Variants in ZCCHC14 observed in about 807,000 individuals in gnomAD.
ZCCHC14 encodes the protein zinc finger CCHC domain-containing protein 14.
ZCCHC14 carries 16 observed loss-of-function variants against 85.0 expected under a neutral mutation model. The observed-to-expected ratio is 0.19, with a 90% CI of 0.13 to 0.29. ZCCHC14 has a LOEUF of 0.29. ZCCHC14 is among the 10% of genes least tolerant of loss of function. ZCCHC14 has a pLI of 1.00. For missense variants in ZCCHC14, 1,303 were observed against 1,443.5 expected, an observed-to-expected ratio of 0.90 and a Z score of 1.58; for synonymous variants, 775 against 630.7, an observed-to-expected ratio of 1.23 and a Z score of -3.43.
intron 1 of ZCCHC14, among the ~76,000 whole-genome samples, chr16:87,477,893 C>G (rs1167392935): frequency 6.6e-6 from 1 of 150,734 alleles, no homozygotes; most frequent in Non-Finnish European, 1.5e-5. Flanking sequence ...CACGCCCCCA[C>G]CGCATCCCCC....
intron 2 of ZCCHC14, among the ~76,000 whole-genome samples, chr16:87,433,957 G>T (rs1909787998): frequency 6.6e-6 from 1 of 152,144 alleles, no homozygotes; most frequent in African/African-American, 2.4e-5. Context: ...CTTTTCAGGA[G>T]AATTCATTCT....
intron 3 of ZCCHC14, 129 bp downstream of exon 3, chr16:87,432,999 C>T (rs1291479080): frequency 1.1e-6 from 1 of 934,466 alleles, no homozygotes; most frequent in African/African-American, 1.7e-5. Context: ...TCAGGGCCAG[C>T]TTCCTATACA....
intron 3 of ZCCHC14, among the ~76,000 whole-genome samples, chr16:87,424,248 G>C (rs1013827269): frequency 2.6e-5 from 4 of 152,198 alleles, no homozygotes; most frequent in African/African-American, 9.7e-5. Flanking sequence ...TCAGATGCAA[G>C]AGCGACACAT....
Position 87,411,640 on chromosome 16 carries a change from T to G in ZCCHC14, c.3081A>C (p.Gly1027=). 6.2e-7 allele frequency: 1 copy of G among 1,613,926 alleles called. No homozygotes were observed. Among genetic ancestry groups the G allele is most frequent in the East Asian group, 2.2e-5 (1 of 44,878 alleles). Residue 1027 remains glycine (G), a synonymous_variant, in exon 12 of 13, where the codon GGA becomes GGC. Coordinates refer to ENST00000671377, the MANE Select transcript of ZCCHC14 (RefSeq NM_015144.3). ...TGGAACCATTGCTACTGCCCACCAG[T>G]CCTTGGGTCTGGTACACCCCTGCTG... is the stretch of plus-strand genomic sequence containing the variant. The part of the protein sequence containing the change: ...AGTAGVYQTQ[G]LVGSSNGSSH...
intron 2 of ZCCHC14, among the ~76,000 whole-genome samples, chr16:87,437,759 G>A (rs903774327): frequency 2.0e-5 from 3 of 152,188 alleles, no homozygotes; most frequent in Admixed American, 1.3e-4. Context: ...AGATCACACA[G>A]CCTTCGATAA....
chr16:87,410,439 G>A (rs547101856), intron 12 of ZCCHC14, 104 bp from the exon 13 acceptor site: 2 of 571,512 alleles, frequency 3.5e-6, no homozygotes, highest in South Asian at 5.0e-5. Context: ...AGATTCTGGT[G>A]CTGGAAATCT....
intron 1 of ZCCHC14, among the ~76,000 whole-genome samples, chr16:87,485,970 C>CTCA (rs1912498674): frequency 6.6e-6 from 1 of 152,206 alleles, no homozygotes; most frequent in Non-Finnish European, 1.5e-5. Context: ...CATCGTATTA[C>CTCA]TCATCATACC....
At position 87,491,568 on chromosome 16, in the gene ZCCHC14, G is replaced by C; in HGVS notation, c.570+101C>G. ...GGGTGGGAGCTCTCAGTGCAGGCTGGAGGCGTGGGTCGGGGGGTCGCGGTG... is the reference window on the plus strand; with the variant it reads ...GGGTGGGAGCTCTCAGTGCAGGCTGCAGGCGTGGGTCGGGGGGTCGCGGTG... On this transcript the variant is annotated intron_variant, in intron 1 of 12. Transcript: ENST00000671377. The surrounding 1 kb of genome is among the most constrained non-coding windows in gnomAD (Gnocchi z 5.9). 1 of 1,111,632 alleles carries C rather than the reference G, an allele frequency of 9.0e-7. No homozygotes were observed. The highest frequency in any genetic ancestry group is 1.2e-6 in the Non-Finnish European group (1 of 852,882). 68.9% of individuals were successfully genotyped at this position (1,111,632 alleles called of 1,614,324 possible).
chr16:87,487,799 GGCA>G (rs1912579029), intron 1 of ZCCHC14, among the ~76,000 whole-genome samples: 1 of 152,150 alleles, frequency 6.6e-6, no homozygotes, highest in African/African-American at 2.4e-5. Flanking sequence ...AACGCCACTC[GGCA>G]GCGAAAGAGG....
At chr16:87,472,678 T>A (rs1019643473) in intron 1 of ZCCHC14, 1 of 152,202 alleles carries the variant, frequency 6.6e-6, no homozygotes, top group Non-Finnish European at 1.5e-5. Context: ...GACGACACCA[T>A]CAGAAAGTAA....
intron 1 of ZCCHC14, among the ~76,000 whole-genome samples, chr16:87,465,198 G>A (rs942988847): frequency 5.3e-5 from 8 of 152,332 alleles, no homozygotes; most frequent in African/African-American, 1.4e-4. Context: ...AAGACTTCTC[G>A]ATGCTCAGCA....
intron 12 of ZCCHC14, among the ~76,000 whole-genome samples, chr16:87,411,088 C>G (rs8045843): frequency 0.57 from 86,198 of 152,190 alleles, 29,075 homozygotes; most frequent in Non-Finnish European, 0.76. Flanking sequence ...GGGTGACAGC[C>G]CCCCACACCC....
At chr16:87,424,693 G>C (rs938782870) in intron 3 of ZCCHC14, among the ~76,000 whole-genome samples, 7 of 152,152 alleles carry the variant, frequency 4.6e-5, no homozygotes, top group African/African-American at 1.4e-4. Context: ...GGGGGAAGGA[G>C]AGCGTACTTT....
In ZCCHC14 at chr16:87,409,029, T is replaced by C. The variant is rs919534990; in HGVS notation, c.*1251A>G. 2 of 152,560 alleles carry C rather than the reference T, an allele frequency of 1.3e-5. No homozygotes were observed. The highest frequency in any genetic ancestry group is 4.8e-5 in the African/African-American group (2 of 41,424). 9.5% of individuals were successfully genotyped at this position (152,560 alleles called of 1,614,324 possible). A position where few individuals can be genotyped will look rare whatever the true frequency, so the allele number is the denominator to read the frequency against. On this transcript the variant is annotated 3_prime_UTR_variant, in exon 13 of 13. Transcript: ENST00000671377. ...GCTTTCATTTCCGTGGGTTGAAATT[T>C]AGAGATCTACAGTGAGGACTTTTAT...
At chr16:87,421,695 C>T (rs1909104216) in intron 4 of ZCCHC14, among the ~76,000 whole-genome samples, 2 of 152,102 alleles carry the variant, frequency 1.3e-5, no homozygotes, top group South Asian at 2.1e-4. Context: ...AGCAAAACGG[C>T]GGAGAAGACC....
intron 8 of ZCCHC14, 40 bp downstream of exon 8, chr16:87,417,420 A>G: frequency 6.2e-7 from 1 of 1,600,228 alleles, no homozygotes; most frequent in Non-Finnish European, 8.5e-7. Flanking sequence ...TGAGTAAACA[A>G]TCTAGCAATT....
In ZCCHC14 at chr16:87,491,724, C is replaced by A. The variant is rs1169007484; in HGVS notation, c.515G>T (p.Gly172Val). Residue 172 changes from glycine (G) to valine (V), a missense_variant, in exon 1 of 13, where the codon GGC becomes GTC. Around this residue, in one of 7 missense-constraint regions of ZCCHC14, gnomAD observed 389 missense variants for 397.8 expected, o/e 0.98. Coordinates refer to ENST00000671377, the MANE Select transcript of ZCCHC14 (RefSeq NM_015144.3). This position sits in a 1 kb window ranked among gnomAD's most constrained non-coding sequence, Gnocchi z 5.9. ...GCCGCCCGGCCCGGGCGCGCCCTTGCCGCCGTGGCCCCCGCCGCCGTTCAG... is the reference window on the plus strand; with the variant it reads ...GCCGCCCGGCCCGGGCGCGCCCTTGACGCCGTGGCCCCCGCCGCCGTTCAG... Reference protein sequence around the residue: ...SSLNGGGGHGGKGAPGPGGAL... With the variant: ...SSLNGGGGHGVKGAPGPGGAL... 6.4e-7 allele frequency: 1 copy of A among 1,555,832 alleles called. No homozygotes were observed. Among genetic ancestry groups the A allele is most frequent in the South Asian group, 1.2e-5 (1 of 84,174 alleles).
At chr16:87,455,714 T>C (rs1393296604) in intron 2 of ZCCHC14, among the ~76,000 whole-genome samples, 1 of 152,210 alleles carries the variant, frequency 6.6e-6, no homozygotes, top group Non-Finnish European at 1.5e-5. Context: ...TGAAGATGGC[T>C]GGAGTTGACG....
Position 87,418,399 on chromosome 16 carries a change from C to A in ZCCHC14, c.1100+448G>T, listed in dbSNP as rs116824725. On this transcript the variant is annotated intron_variant, in intron 7 of 12. Coordinates refer to ENST00000671377, the MANE Select transcript of ZCCHC14 (RefSeq NM_015144.3). Reference sequence around the variant, plus strand: ...GAAACCTCGCGCCCAGACAACATCTCCACGAGACTCCCTATGGGGGTGCGT... The same window carrying A: ...GAAACCTCGCGCCCAGACAACATCTACACGAGACTCCCTATGGGGGTGCGT... 4.5e-3 allele frequency among the ~76,000 whole-genome samples: 689 copies of A among 152,306 alleles called. 6 individuals carry two copies. Among genetic ancestry groups the A allele is most frequent in the African/African-American group, 0.016 (662 of 41,560 alleles).
Sources: allele counts gnomAD v4.1 joint callset (sites outside exome capture counted in the v4.1 genomes callset), GRCh38; gene constraint gnomAD v4.1.1; regional missense constraint gnomAD v4.1.1; non-coding constraint Gnocchi (gnomAD v3.1); transcripts MANE v1.5; gene names NCBI Gene and HGNC (gene_info 2026-07-23, HGNC 2026-07-21).